NCLN: variants seen among roughly 807,000 people sequenced by gnomAD.
NCLN encodes the protein BOS complex subunit NCLN.
In NCLN, 34 loss-of-function variants were observed where a neutral mutation model predicts 69.5. The ratio of observed to expected loss-of-function variants is 0.49; its 90% CI spans 0.37 to 0.65. The LOEUF (loss-of-function observed/expected upper bound fraction) is 0.65. NCLN is among the 30% of genes least tolerant of loss of function. The probability of loss-of-function intolerance (pLI) is 0.00; values close to 1 mark genes in which losing one functional copy is unlikely to be tolerated. For missense variants in NCLN, 710 were observed against 804.8 expected, an observed-to-expected ratio of 0.88 and a Z score of 1.42; for synonymous variants, 393 against 358.3, an observed-to-expected ratio of 1.10 and a Z score of -1.09.
chr19:3,208,828 C>T lies in NCLN; in HGVS notation c.*1140C>T, dbSNP rs564072345. The T allele has an allele frequency of 6.6e-6, 1 of 152,506 alleles. No individual in the cohort carries two copies. Among genetic ancestry groups the T allele is most frequent in the East Asian group, 1.9e-4 (1 of 5,164 alleles). The allele number at this position is 152,506 out of a possible 1,614,324, so 9.4% of individuals were successfully genotyped here. On this transcript the variant is annotated 3_prime_UTR_variant, in exon 15 of 15. Coordinates refer to ENST00000246117, the MANE Select transcript of NCLN (RefSeq NM_020170.4). ...CTCTGGGGCCACCCTTCCTGGAACT[C>T]AGAGAGGAAGGTCCGGGCCCTCGGG... is the stretch of plus-strand genomic sequence containing the variant.
intron 12 of NCLN, among the ~76,000 whole-genome samples, 170 bp downstream of exon 12, chr19:3,206,595 G>A (rs1387852967): frequency 6.6e-6 from 1 of 152,204 alleles, no homozygotes. Context: ...CAGTACTTTG[G>A]GAATCCGAGG....
chr19:3,186,132 G>C lies in NCLN; in HGVS notation c.102G>C (p.Ala34=), dbSNP rs1258441956. ...VFLPAVLLLV[A]PPLPAADAAH... ...TGCCCGCTGTGCTGCTGCTGGTGGC[G>C]CCGCCGCTGCCTGCCGCCGACGCCG... Residue 34 remains alanine (A), a synonymous_variant, in exon 1 of 15, where the codon GCG becomes GCC. Transcript: ENST00000246117. The C allele has an allele frequency of 6.3e-7, 1 of 1,595,412 alleles. No homozygotes were observed. The highest frequency in any genetic ancestry group is 8.5e-7 in the Non-Finnish European group (1 of 1,173,512).
intron 1 of NCLN, among the ~76,000 whole-genome samples, chr19:3,186,576 C>T (rs1236494857): frequency 2.6e-5 from 4 of 152,198 alleles, no homozygotes; most frequent in Non-Finnish European, 4.4e-5. Flanking sequence ...CCCTCCTGGG[C>T]CCCCTCCGCC....
At chr19:3,187,018 A>G (rs1915687307) in intron 1 of NCLN, among the ~76,000 whole-genome samples, 3 of 151,470 alleles carry the variant, frequency 2.0e-5, no homozygotes, top group Admixed American at 1.3e-4. Context: ...AGTTCAGTCC[A>G]CTCGCCTGGG....
rs1387342472 is a variant in NCLN at position 3,186,128 on chromosome 19, T to C, written c.98T>C (p.Val33Ala). The stretch of plus-strand genomic sequence containing the variant: ...TTCCTGCCCGCTGTGCTGCTGCTGG[T>C]GGCGCCGCCGCTGCCTGCCGCCGAC... ...IVFLPAVLLL[V>A]APPLPAADAA... Residue 33 changes from valine (V) to alanine (A), a missense_variant, in exon 1 of 15, where the codon GTG becomes GCG. By Grantham distance (64) the Val-to-Ala change is moderately conservative. Coordinates refer to ENST00000246117, the MANE Select transcript of NCLN (RefSeq NM_020170.4). 4.8e-5 allele frequency: 77 copies of C among 1,597,290 alleles called. No homozygotes were observed. The East Asian group carries it at 1.8e-3, about 37-fold the overall frequency.
At chr19:3,187,900 G>A (rs1020655231) in intron 1 of NCLN, among the ~76,000 whole-genome samples, 17 of 152,052 alleles carry the variant, frequency 1.1e-4, no homozygotes, top group Middle Eastern at 3.2e-3. Context: ...GGGTCCTGAC[G>A]GGCACCATCC....
rs370819174 is a variant in NCLN at position 3,199,825 on chromosome 19, C to T, written c.696+928C>T. ...AAGCGATTCTCCTGCCTCAGTCTCC[C>T]GAGTAGCTGGGACCACAGGCACCCG... On this transcript the variant is annotated intron_variant, in intron 5 of 14. Transcript: ENST00000246117. Among the ~76,000 whole-genome samples, 14 of 151,422 alleles carry T rather than the reference C, an allele frequency of 9.2e-5. 1 individual carries two copies. The East Asian group carries it at 1.6e-3, about 17-fold the overall frequency.
Position 3,192,639 on chromosome 19 carries a change from C to T in NCLN, c.354C>T (p.Ala118=), listed in dbSNP as rs374304422. 44 of 1,569,020 alleles carry T rather than the reference C, an allele frequency of 2.8e-5. No homozygotes were observed. The African/African-American group carries it at 3.6e-4, about 13-fold the overall frequency. The change falls in exon 2 of 15, where the codon GCC becomes GCT. Residue 118 remains alanine (A), a synonymous_variant. Coordinates refer to ENST00000246117, the MANE Select transcript of NCLN (RefSeq NM_020170.4). ...TCATCCTGCCCAGGGCCATGGCCGC[C>T]GTGCCCCAGGACGTCGTCCGGGTGA... ...VVIILPRAMA[A]VPQDVVRQFM...
chr19:3,187,445 T>G (rs982458279), intron 1 of NCLN, among the ~76,000 whole-genome samples: 10 of 152,304 alleles, frequency 6.6e-5, no homozygotes, highest in Middle Eastern at 6.8e-3. Flanking sequence ...GTCCCTCTCG[T>G]CACATCTCAG....
At position 3,191,551 on chromosome 19, in the gene NCLN, G is replaced by C. The variant is rs78225827; in HGVS notation, c.185-919G>C. ...GCGAGCCCGAGGGGCGCTCCATGCT[G>C]GTCTTGTGGCTCAACACAGGGGTTT... On this transcript the variant is annotated intron_variant, in intron 1 of 14. Transcript: ENST00000246117. Among the ~76,000 whole-genome samples the C allele has an allele frequency of 7.2e-3, 1,095 of 152,054 alleles. 12 individuals carry two copies. The highest frequency in any genetic ancestry group is 0.025 in the African/African-American group (1,054 of 41,556).
Position 3,186,082 on chromosome 19 carries a change from C to G in NCLN, c.52C>G (p.Leu18Val). Reference sequence around the variant, plus strand: ...GGAGAACATGCTGAAGGCGTCTTGTCTGCCGCTCGGCTTCATCGTCTTCCT... The same window carrying G: ...GGAGAACATGCTGAAGGCGTCTTGTGTGCCGCTCGGCTTCATCGTCTTCCT... ...VLENMLKASC[L>V]PLGFIVFLPA... is the part of the protein sequence containing the mutation. Residue 18 changes from leucine (L) to valine (V), a missense_variant, in exon 1 of 15, where the codon CTG becomes GTG. Physicochemically the swap from Leu to Val is conservative, Grantham distance 32 (BLOSUM62 1). Transcript: ENST00000246117. 6.3e-7 allele frequency: 1 copy of G among 1,599,722 alleles called. No homozygotes were observed. The highest frequency in any genetic ancestry group is 8.5e-7 in the Non-Finnish European group (1 of 1,175,014).
intron 1 of NCLN, among the ~76,000 whole-genome samples, chr19:3,188,513 C>T (rs1403608679): frequency 1.3e-5 from 2 of 152,160 alleles, no homozygotes; most frequent in African/African-American, 4.8e-5. Flanking sequence ...CCCCGATTCC[C>T]TCGGCCCCTT....
In NCLN at chr19:3,203,973, C is replaced by A. The variant is rs762893252; in HGVS notation, c.890-32C>A. The A allele has an allele frequency of 2.6e-6, 4 of 1,544,100 alleles. No individual in the cohort carries two copies. The South Asian group carries it at 4.8e-5, about 18-fold the overall frequency. Reference sequence around the variant, plus strand: ...GGGCCGGGGGCCACTTCCTGGTCCCCACCCACCCCGCCAGCTCTCGGTGTC... The same window carrying A: ...GGGCCGGGGGCCACTTCCTGGTCCCAACCCACCCCGCCAGCTCTCGGTGTC... On this transcript the variant is annotated intron_variant, in intron 7 of 14. Coordinates refer to ENST00000246117, the MANE Select transcript of NCLN (RefSeq NM_020170.4).
At position 3,185,984 on chromosome 19, in the gene NCLN, CCGT is replaced by C. The variant is rs981735628; in HGVS notation, c.-45_-43del. The C allele has an allele frequency of 1.4e-6, 2 of 1,397,756 alleles. No individual in the cohort carries two copies. Among genetic ancestry groups the C allele is most frequent in the African/African-American group, 3.0e-5 (2 of 65,582 alleles). The allele number at this position is 1,397,756 out of a possible 1,614,324, so 86.6% of individuals were successfully genotyped here. On this transcript the variant is annotated 5_prime_UTR_variant, in exon 1 of 15. Coordinates refer to ENST00000246117, the MANE Select transcript of NCLN (RefSeq NM_020170.4). ...GAGTCCGCGGGAGCCGCCGCCGCCG[CCGT>C]CCCGTCCCAGCTGCCGCCCCGCGCG... is the stretch of plus-strand genomic sequence containing the variant.
chr19:3,199,725 C>G (rs1193918155), intron 5 of NCLN, among the ~76,000 whole-genome samples: 1 of 115,970 alleles, frequency 8.6e-6, no homozygotes, highest in Non-Finnish European at 1.7e-5. Context: ...TTAATTGAGA[C>G]AGTCTTGCTC....
intron 5 of NCLN, among the ~76,000 whole-genome samples, chr19:3,199,612 G>T (rs1242797482): frequency 6.6e-6 from 1 of 151,368 alleles, no homozygotes; most frequent in Non-Finnish European, 1.5e-5. Flanking sequence ...CACAAGCTTG[G>T]TTCTGCTCAG....
intron 2 of NCLN, among the ~76,000 whole-genome samples, chr19:3,192,973 G>A (rs554439533): frequency 7.3e-5 from 11 of 150,208 alleles, no homozygotes; most frequent in Admixed American, 4.0e-4. Flanking sequence ...ACAGGGCTGC[G>A]CAGGAGAACC....
chr19:3,186,354 C>T (rs974664742), intron 1 of NCLN, 140 bp downstream of exon 1: 40 of 990,892 alleles, frequency 4.0e-5, no homozygotes, highest in Non-Finnish European at 5.0e-5. Context: ...CAGAGCCCTG[C>T]CGCCCTGGAC....
Position 3,206,167 on chromosome 19 carries a change from A to G in NCLN, c.1312A>G (p.Met438Val), listed in dbSNP as rs1312688003. ...NLTEKGTPPD[M>V]PVFTEQMQIQ... is the part of the protein sequence containing the mutation. ...CTCTCCGCAGGGGACACCCCCAGACATGCCGGTGTTCACAGAGCAGATGGT... is the reference window on the plus strand; with the variant it reads ...CTCTCCGCAGGGGACACCCCCAGACGTGCCGGTGTTCACAGAGCAGATGGT... The change falls in exon 11 of 15, where the codon ATG becomes GTG. Residue 438 changes from methionine to valine, a missense_variant. Transcript: ENST00000246117. The G allele has an allele frequency of 3.8e-6, 5 of 1,310,908 alleles. No homozygotes were observed. The highest frequency in any genetic ancestry group is 5.0e-6 in the Non-Finnish European group (5 of 1,006,676). The allele number at this position is 1,310,908 out of a possible 1,614,324, so 81.2% of individuals were successfully genotyped here.
Sources: allele counts gnomAD v4.1 joint callset (sites outside exome capture counted in the v4.1 genomes callset), GRCh38; gene constraint gnomAD v4.1.1; transcripts MANE v1.5; gene names NCBI Gene and HGNC (gene_info 2026-07-23, HGNC 2026-07-21).